SLC7A1: variants seen among roughly 807,000 people sequenced by gnomAD.
The protein encoded by SLC7A1 is high affinity cationic amino acid transporter 1.
Under a neutral mutation model 53.9 loss-of-function variants are expected in SLC7A1, and 10 were observed. The observed-to-expected ratio is 0.19, with a 90% confidence interval of 0.11 to 0.31. The LOEUF (loss-of-function observed/expected upper bound fraction) is 0.31. Ranked by LOEUF, SLC7A1 falls within the 10% of genes least tolerant of loss-of-function variation. The probability of loss-of-function intolerance (pLI) is 1.00; values close to 1 mark genes in which losing one functional copy is unlikely to be tolerated. For missense variants in SLC7A1, 525 were observed against 827.2 expected (o/e 0.63, Z 4.48); for synonymous variants, 342 against 338.7 (o/e 1.01, Z -0.11).
intron 2 of SLC7A1, among the ~76,000 whole-genome samples, chr13:29,543,736 G>A (rs1317442978): frequency 1.4e-5 from 2 of 146,158 alleles, no homozygotes; most frequent in Non-Finnish European, 3.0e-5. Flanking sequence ...CACAGGTTCC[G>A]CAGGAGGAGG....
At position 29,575,215 on chromosome 13, in the gene SLC7A1, T is replaced by C. The variant is rs867416263; in HGVS notation, c.-115+20201A>G. Among the ~76,000 whole-genome samples, 3 of 152,204 alleles carry C rather than the reference T, an allele frequency of 2.0e-5. No individual in the cohort carries two copies. In the South Asian group the frequency reaches 6.2e-4, roughly 31 times the overall value. On this transcript the variant is annotated intron_variant, in intron 1 of 12. Transcript: ENST00000380752. The stretch of plus-strand genomic sequence containing the variant: ...GTTCTTTAGTTACAGGAGCATTTAA[T>C]CAAACAAACACCTAAGAACACCATG...
At chr13:29,587,629 G>A (rs1871937830) in intron 1 of SLC7A1, among the ~76,000 whole-genome samples, 1 of 152,202 alleles carries the variant, frequency 6.6e-6, no homozygotes, top group South Asian at 2.1e-4. Context: ...GTATAGACCA[G>A]ACAAGAGTGG....
chr13:29,532,864 G>T lies in SLC7A1; in HGVS notation c.489C>A (p.Asn163Lys), dbSNP rs1869230932. The T allele has an allele frequency of 1.2e-6, 2 of 1,613,938 alleles. No individual in the cohort carries two copies. Among genetic ancestry groups the T allele is most frequent in the South Asian group, 1.1e-5 (1 of 91,054 alleles). Residue 163 changes from asparagine (N) to lysine (K), a missense_variant, in exon 4 of 13, where the codon AAC becomes AAA. Asn to Lys is a moderately conservative substitution (Grantham distance 94, BLOSUM62 0). This residue lies in a region of SLC7A1 where 354 missense variants were observed against 587.5 expected (regional missense o/e 0.60). Transcript: ENST00000380752. ...TLNAPGVLAE[N>K]PDIFAVIIIL... ...TTATGATCACTGCGAATATGTCGGGGTTTTCAGCCAGCACGCCGGGGGCGT... is the reference window on the plus strand; with the variant it reads ...TTATGATCACTGCGAATATGTCGGGTTTTTCAGCCAGCACGCCGGGGGCGT...
chr13:29,523,502 G>T lies in SLC7A1; in HGVS notation c.827-14C>A. The stretch of plus-strand genomic sequence containing the variant: ...TCACCTCTTCACCTAGAAGCACAAG[G>T]GGTCAGCGGAGGAGGGCACACAGCA... On this transcript the variant is annotated splice_polypyrimidine_tract_variant and intron_variant, in intron 6 of 12. Coordinates refer to ENST00000380752, the MANE Select transcript of SLC7A1 (RefSeq NM_003045.5). 6.3e-7 allele frequency: 1 copy of T among 1,598,194 alleles called. No individual in the cohort carries two copies.
In SLC7A1 at chr13:29,530,624, C is replaced by T. The variant is rs780348726; in HGVS notation, c.618G>A (p.Val206=). ...TAACCGATCCTTTCACAAATCCTGA[C>T]ACCATTATGAAGCCCAGGACCAGGA... ...INVLVLGFIM[V]SGFVKGSVKN... The change falls in exon 5 of 13, where the codon GTG becomes GTA. Residue 206 remains valine, a synonymous_variant. Coordinates refer to ENST00000380752, the MANE Select transcript of SLC7A1 (RefSeq NM_003045.5). 2.7e-5 allele frequency: 43 copies of T among 1,613,974 alleles called. No individual in the cohort carries two copies. The highest frequency in any genetic ancestry group is 3.4e-5 in the Non-Finnish European group (40 of 1,179,986).
rs752502431 is a variant in SLC7A1, at chr13:29,514,468, C to T, written c.*12G>A. ...CGGGGCTGCTGCCACCTCCGGGGGG[C>T]GGGGCTGTGCGTCACTTGCACTGGT... On this transcript the variant is annotated 3_prime_UTR_variant, in exon 13 of 13. Transcript: ENST00000380752. 11 of 1,599,332 alleles carry T rather than the reference C, an allele frequency of 6.9e-6. No individual in the cohort carries two copies. Among genetic ancestry groups the T allele is most frequent in the South Asian group, 2.2e-5 (2 of 90,826 alleles).
chr13:29,551,492 G>GT (rs1870185131), intron 2 of SLC7A1, among the ~76,000 whole-genome samples: 1 of 152,152 alleles, frequency 6.6e-6, no homozygotes, highest in Non-Finnish European at 1.5e-5. Context: ...TTCAAGACTT[G>GT]TGCCCCAACA....
intron 1 of SLC7A1, among the ~76,000 whole-genome samples, chr13:29,564,901 A>C (rs1870902477): frequency 6.6e-6 from 1 of 152,216 alleles, no homozygotes; most frequent in Admixed American, 6.5e-5. Flanking sequence ...TGCTTCCAGA[A>C]ATACTTTCCC....
At position 29,525,213 on chromosome 13, in the gene SLC7A1, G is replaced by A. The variant is rs533417767; in HGVS notation, c.705-960C>T. Among the ~76,000 whole-genome samples the A allele has an allele frequency of 5.3e-5, 8 of 152,302 alleles. No individual in the cohort carries two copies. The South Asian group carries it at 1.7e-3, about 32-fold the overall frequency. On this transcript the variant is annotated intron_variant, in intron 5 of 12. Coordinates refer to ENST00000380752, the MANE Select transcript of SLC7A1 (RefSeq NM_003045.5). ...TGCATCCAACCCTCTGCTGCCACCC[G>A]AAAAGCAATTGCACTCCTTGTGGTT...
chr13:29,517,100 A>G, intron 11 of SLC7A1, 44 bp downstream of exon 11: 1 of 1,521,568 alleles, frequency 6.6e-7, no homozygotes. Flanking sequence ...CAGGAGGGCC[A>G]GGGTCTGTGT....
At chr13:29,569,089 C>G (rs1046960093) in intron 1 of SLC7A1, among the ~76,000 whole-genome samples, 1 of 152,116 alleles carries the variant, frequency 6.6e-6, no homozygotes, top group Non-Finnish European at 1.5e-5. Flanking sequence ...TCAGCTCAGC[C>G]GAGGGCACCT....
chr13:29,591,486 C>G (rs1872107749), intron 1 of SLC7A1, among the ~76,000 whole-genome samples: 1 of 152,174 alleles, frequency 6.6e-6, no homozygotes. Context: ...AGAGGCCACT[C>G]CCTGAGTCAC....
rs576494304 is a variant in SLC7A1, at chr13:29,516,266, C to A, written c.1678-20G>T. The A allele has an allele frequency of 1.5e-5, 24 of 1,551,210 alleles. No homozygotes were observed. In the African/African-American group the frequency reaches 3.3e-4, roughly 21 times the overall value. On this transcript the variant is annotated intron_variant, in intron 11 of 12. Coordinates refer to ENST00000380752, the MANE Select transcript of SLC7A1 (RefSeq NM_003045.5). ...GGGAACCTGAAGAGACAGGAGGTGG[C>A]TTCAATCCATGGCAGTGGCGCCGGT... is the stretch of plus-strand genomic sequence containing the variant.
At chr13:29,549,099 AG>A (rs1348980274) in intron 2 of SLC7A1, among the ~76,000 whole-genome samples, 1 of 152,194 alleles carries the variant, frequency 6.6e-6, no homozygotes, top group Non-Finnish European at 1.5e-5. Flanking sequence ...TTTTCTAATG[AG>A]GAGGCCTCCT....
In SLC7A1 at chr13:29,517,739, G is replaced by A. The variant is rs60013611; in HGVS notation, c.1344C>T (p.Asp448=). The change falls in exon 10 of 13, where the codon GAC becomes GAT. Residue 448 remains aspartate, a synonymous_variant. Coordinates refer to ENST00000380752, the MANE Select transcript of SLC7A1 (RefSeq NM_003045.5). The stretch of plus-strand genomic sequence containing the variant: ...CATTTTGGTCTGCTGGATCTAACTC[G>A]TCGGAAGTACTGGCCATCTGGTATA... ...NLVYQMASTS[D]ELDPADQNEL... The A allele has an allele frequency of 6.8e-6, 11 of 1,614,188 alleles. No individual in the cohort carries two copies. In the East Asian group the frequency reaches 8.9e-5, roughly 13 times the overall value.
chr13:29,547,224 C>A (rs1203465255), intron 2 of SLC7A1, among the ~76,000 whole-genome samples: 1 of 152,146 alleles, frequency 6.6e-6, no homozygotes, highest in African/African-American at 2.4e-5. Context: ...AAAAATGAAG[C>A]CCATTATTAT....
At chr13:29,518,341 G>A (rs1364504428) in intron 9 of SLC7A1, among the ~76,000 whole-genome samples, 2 of 152,190 alleles carry the variant, frequency 1.3e-5, no homozygotes, top group East Asian at 1.9e-4. Context: ...AGCCTGCAGC[G>A]TGATTTCCAA....
At chr13:29,553,422 T>C (rs1339099246) in intron 2 of SLC7A1, among the ~76,000 whole-genome samples, 1 of 152,150 alleles carries the variant, frequency 6.6e-6, no homozygotes, top group East Asian at 1.9e-4. Context: ...AGGCTGATCC[T>C]TCCCCAGAGC....
At chr13:29,560,664 G>C (rs1009685057) in intron 1 of SLC7A1, among the ~76,000 whole-genome samples, 1 of 152,120 alleles carries the variant, frequency 6.6e-6, no homozygotes, top group Admixed American at 6.5e-5. Context: ...AAAAACACAT[G>C]AGTAACGTGT....
Sources: gnomAD v4.1 joint callset for allele counts (sites outside exome capture counted in the v4.1 genomes callset) on GRCh38, gnomAD v4.1.1 for gene constraint, gnomAD v4.1.1 regional missense constraint, MANE v1.5 for transcripts, NCBI Gene and HGNC (gene_info 2026-07-23, HGNC 2026-07-21) for gene names.